SLC6A6: variants seen among roughly 807,000 people sequenced by gnomAD.
The protein encoded by SLC6A6 is sodium- and chloride-dependent taurine transporter.
A neutral mutation model predicts 68.8 loss-of-function variants in SLC6A6; 16 were observed. That is an observed-to-expected ratio of 0.23 (90% CI 0.16 to 0.35). The LOEUF (loss-of-function observed/expected upper bound fraction) is 0.35. SLC6A6 is among the 10% of genes least tolerant of loss of function. The pLI is 1.00. For missense variants in SLC6A6, 474 were observed against 802.8 expected (o/e 0.59, Z 4.95); for synonymous variants, 312 against 315.4 (o/e 0.99, Z 0.12).
chr3:14,409,686 T>C (rs1699196410), intron 1 of SLC6A6, among the ~76,000 whole-genome samples: 2 of 152,098 alleles, frequency 1.3e-5, no homozygotes, highest in South Asian at 4.1e-4. Context: ...TAGTGAACAG[T>C]CTAAGATGGT....
In SLC6A6 at chr3:14,478,511, G is replaced by A. The variant is rs1216056597; in HGVS notation, c.1393G>A (p.Gly465Ser). Residue 465 changes from glycine to serine, a missense_variant, in exon 12 of 15, where the codon GGT (glycine) becomes AGT (serine). Physicochemically the swap from Gly to Ser is moderately conservative, Grantham distance 56 (BLOSUM62 0). Coordinates refer to ENST00000622186, the MANE Select transcript of SLC6A6 (RefSeq NM_003043.6). ...GCTCTTTGACTACTATGCAGCTAGC[G>A]GTGTATGCCTTTTGTGGGTTGCATT... ...FQLFDYYAAS[G>S]VCLLWVAFFE... 13 of 1,613,596 alleles carry A rather than the reference G, an allele frequency of 8.1e-6. No homozygotes were observed. The highest frequency in any genetic ancestry group is 1.7e-5 in the Admixed American group (1 of 59,986).
rs192863415 is a variant in SLC6A6, at chr3:14,481,359, G to A, written c.1552-312G>A. ...TTCAGGGTGGCTGGAGTGTGGACAC[G>A]GAGGGAGAGTTGAGGCAGATGAGGG... On this transcript the variant is annotated intron_variant, in intron 13 of 14. Transcript: ENST00000622186. This position sits in a 1 kb window ranked among gnomAD's most constrained non-coding sequence, Gnocchi z 4.7. Among the ~76,000 whole-genome samples the A allele has an allele frequency of 5.3e-5, 8 of 152,286 alleles. No individual in the cohort carries two copies. The highest frequency in any genetic ancestry group is 2.1e-4 in the South Asian group (1 of 4,830).
At chr3:14,437,355 T>C (rs1699880641) in intron 2 of SLC6A6, among the ~76,000 whole-genome samples, 1 of 151,968 alleles carries the variant, frequency 6.6e-6, no homozygotes, top group Non-Finnish European at 1.5e-5. Context: ...CCTCCAAGGC[T>C]CAAGTGACCC....
chr3:14,425,088 A>T (rs934647351), intron 2 of SLC6A6, among the ~76,000 whole-genome samples: 1 of 152,180 alleles, frequency 6.6e-6, no homozygotes, highest in African/African-American at 2.4e-5. Flanking sequence ...AAAGATGGCT[A>T]ATCTTTCTTG....
intron 10 of SLC6A6, among the ~76,000 whole-genome samples, chr3:14,474,513 A>G (rs1700828431): frequency 6.6e-6 from 1 of 152,138 alleles, no homozygotes; most frequent in Non-Finnish European, 1.5e-5. Flanking sequence ...TCCCCATTCA[A>G]CACTGACTCC....
intron 3 of SLC6A6, 135 bp from the exon 4 acceptor site, chr3:14,445,582 G>A (rs1378109573): frequency 2.0e-6 from 2 of 984,738 alleles, no homozygotes; most frequent in Non-Finnish European, 1.6e-6. Flanking sequence ...TTCCCACCAG[G>A]TCCAAGAGTT....
intron 14 of SLC6A6, among the ~76,000 whole-genome samples, chr3:14,484,610 C>T (rs182563726): frequency 7.9e-5 from 12 of 152,312 alleles, no homozygotes; most frequent in East Asian, 1.9e-4. Context: ...CCTGTAGGAA[C>T]GTAAGCAGGG....
At chr3:14,471,130 C>CTTTTTTTTTTTTT (rs754511089) in intron 9 of SLC6A6, among the ~76,000 whole-genome samples, 12 of 83,092 alleles carry the variant, frequency 1.4e-4, no homozygotes, top group East Asian at 3.4e-4. Flanking sequence ...TGCTTCTTGA[C>CTTTTTTTTTTTTT]TTTTTTTTTT....
At chr3:14,461,605 G>A (rs902967315) in intron 6 of SLC6A6, among the ~76,000 whole-genome samples, 12 of 152,216 alleles carry the variant, frequency 7.9e-5, no homozygotes, top group African/African-American at 2.7e-4. Flanking sequence ...GCTCTTCGCT[G>A]TTGGCCTCCG....
At chr3:14,410,426 G>T (rs1017252854) in intron 1 of SLC6A6, among the ~76,000 whole-genome samples, 1 of 152,314 alleles carries the variant, frequency 6.6e-6, no homozygotes, top group East Asian at 1.9e-4. Flanking sequence ...ACTCCTTACA[G>T]TTTGGCTGCT....
rs187304824 is a variant in SLC6A6 at position 14,445,747 on chromosome 3, T to C, written c.260T>C (p.Leu87Pro). The C allele has an allele frequency of 1.2e-6, 2 of 1,614,238 alleles. No individual in the cohort carries two copies. The highest frequency in any genetic ancestry group is 3.3e-5 in the Admixed American group (2 of 60,034). ...TTTCTCATACCGTATTTTATTTTCC[T>C]GTTTGGGAGCGGCCTGCCTGTGTTT... ...GAFLIPYFIF[L>P]FGSGLPVFFL... The change falls in exon 4 of 15, where the codon CTG becomes CCG. Residue 87 changes from leucine (L) to proline (P), a missense_variant. Coordinates refer to ENST00000622186, the MANE Select transcript of SLC6A6 (RefSeq NM_003043.6).
At chr3:14,437,518 A>G (rs1699884700) in intron 2 of SLC6A6, among the ~76,000 whole-genome samples, 1 of 152,242 alleles carries the variant, frequency 6.6e-6, no homozygotes, top group South Asian at 2.1e-4. Flanking sequence ...TTTATGGTGT[A>G]TAACATGATG....
intron 3 of SLC6A6, among the ~76,000 whole-genome samples, chr3:14,445,169 TC>T (rs1700085944): frequency 6.6e-6 from 1 of 152,000 alleles, no homozygotes; most frequent in South Asian, 2.1e-4. Context: ...ACGCCTGTAA[TC>T]CCAGCACTTT....
At chr3:14,476,460 A>G (rs1199906824) in intron 10 of SLC6A6, among the ~76,000 whole-genome samples, 1 of 152,204 alleles carries the variant, frequency 6.6e-6, no homozygotes, top group Non-Finnish European at 1.5e-5. Flanking sequence ...GCCTTTTCCA[A>G]CCAGCTTCTT....
intron 4 of SLC6A6, 86 bp from the exon 5 acceptor site, chr3:14,447,496 A>G: frequency 1.3e-6 from 2 of 1,560,150 alleles, no homozygotes; most frequent in South Asian, 1.2e-5. Context: ...GGGCCTGGGG[A>G]TACCATGGCC....
intron 2 of SLC6A6, among the ~76,000 whole-genome samples, chr3:14,418,506 C>T (rs1699414341): frequency 6.6e-6 from 1 of 152,144 alleles, no homozygotes; most frequent in Non-Finnish European, 1.5e-5. Flanking sequence ...AGCCACTGGG[C>T]AGGCATGGAG....
intron 6 of SLC6A6, among the ~76,000 whole-genome samples, chr3:14,460,929 G>C (rs578261411): frequency 1.3e-4 from 20 of 152,340 alleles, no homozygotes; most frequent in Admixed American, 1.2e-3. Flanking sequence ...TGGCTGACGT[G>C]GGGGCTGGGC....
At chr3:14,469,666 A>G (rs1188692101) in intron 9 of SLC6A6, among the ~76,000 whole-genome samples, 2 of 152,098 alleles carry the variant, frequency 1.3e-5, no homozygotes, top group Admixed American at 6.5e-5. Flanking sequence ...CCTGCCATCC[A>G]GCCCACCCTG....
chr3:14,457,562 G>A lies in SLC6A6; in HGVS notation c.600-388G>A, dbSNP rs183714742. ...TGGCTAACTTCGTTCTGTCAGTGACGGAACAAACAGTAGAGCTGAGAATTG... is the reference window on the plus strand; with the variant it reads ...TGGCTAACTTCGTTCTGTCAGTGACAGAACAAACAGTAGAGCTGAGAATTG... On this transcript the variant is annotated intron_variant, in intron 5 of 14. Coordinates refer to ENST00000622186, the MANE Select transcript of SLC6A6 (RefSeq NM_003043.6). Among the ~76,000 whole-genome samples, 610 of 152,288 alleles carry A rather than the reference G, an allele frequency of 4.0e-3. 5 individuals carry two copies. The highest frequency in any genetic ancestry group is 0.017 in the Middle Eastern group (5 of 294).
Sources: gnomAD v4.1 joint callset for allele counts (sites outside exome capture counted in the v4.1 genomes callset) on GRCh38, gnomAD v4.1.1 for gene constraint, Gnocchi (gnomAD v3.1) non-coding constraint, MANE v1.5 for transcripts, NCBI Gene and HGNC (gene_info 2026-07-23, HGNC 2026-07-21) for gene names.